Variants in NRP2 observed in about 807,000 individuals in gnomAD.
NRP2 encodes the protein neuropilin-2.
NRP2 carries 52 observed loss-of-function variants against 110.4 expected under a neutral mutation model. The ratio of observed to expected loss-of-function variants is 0.47; its 90% confidence interval spans 0.38 to 0.59. The LOEUF (loss-of-function observed/expected upper bound fraction) is 0.59, where lower values mean the gene tolerates loss of function less well. Among genes scored for constraint, NRP2 ranks in the 20% least tolerant of loss-of-function variants. The probability of loss-of-function intolerance (pLI) is 0.00; values close to 1 mark genes in which losing one functional copy is unlikely to be tolerated. For synonymous variants in NRP2, 508 were observed against 468.9 expected, an observed-to-expected ratio of 1.08 and a Z score of -1.08; for missense variants, 1,049 against 1,203.0, an observed-to-expected ratio of 0.87 and a Z score of 1.89.
chr2:205,692,189 G>T (rs2056328082), intron 1 of NRP2, among the ~76,000 whole-genome samples: 1 of 152,076 alleles, frequency 6.6e-6, no homozygotes, highest in Non-Finnish European at 1.5e-5. Flanking sequence ...ATTTCCATTT[G>T]CTGTGCCTTC....
intron 15 of NRP2, among the ~76,000 whole-genome samples, chr2:205,786,755 A>T (rs539212379): frequency 6.6e-6 from 1 of 152,242 alleles, no homozygotes; most frequent in African/African-American, 2.4e-5. Flanking sequence ...TTAAAACTAT[A>T]GGCACAATTT....
chr2:205,708,215 A>G (rs1275729702), intron 2 of NRP2, among the ~76,000 whole-genome samples: 2 of 152,250 alleles, frequency 1.3e-5, no homozygotes, highest in African/African-American at 2.4e-5. Flanking sequence ...GAAAGACCCA[A>G]CACTCATGCT....
At chr2:205,731,549 G>T (rs945658715) in intron 7 of NRP2, among the ~76,000 whole-genome samples, 1 of 152,190 alleles carries the variant, frequency 6.6e-6, no homozygotes, top group Admixed American at 6.5e-5. Context: ...GGACACGGGG[G>T]AGAGAGACTA....
At position 205,752,973 on chromosome 2, in the gene NRP2, C is replaced by T. The variant is rs763980274; in HGVS notation, c.2042C>T (p.Pro681Leu). ...SSSSPNDRTF[P>L]DDRNFLRLQS... is the part of the protein sequence containing the mutation. ...TCCAGCCCAAACGACCGGACGTTTC[C>T]AGGTAAGCCAGCTGTGAGTGAAGAT... is the stretch of plus-strand genomic sequence containing the variant. The change falls in exon 12 of 17, where the codon CCA becomes CTA. Residue 681 changes from proline to leucine, a missense_variant and splice_region_variant. Pro to Leu is a moderately conservative substitution (Grantham distance 98). Transcript: ENST00000357785. The T allele has an allele frequency of 6.2e-7, 1 of 1,613,226 alleles. No individual in the cohort carries two copies. Among genetic ancestry groups the T allele is most frequent in the Non-Finnish European group, 8.5e-7 (1 of 1,179,988 alleles).
At chr2:205,743,760 G>A (rs887291691) in intron 9 of NRP2, 25 of 1,161,944 alleles carry the variant, frequency 2.2e-5, no homozygotes, top group Non-Finnish European at 2.9e-5. Flanking sequence ...TTGTTTGTTT[G>A]TTTTTGAGAT....
intron 1 of NRP2, 115 bp downstream of exon 1, chr2:205,683,478 T>C (rs376735506): frequency 5.7e-5 from 44 of 765,834 alleles, no homozygotes; most frequent in Non-Finnish European, 9.4e-5. Context: ...CAGTACTCAA[T>C]AATTTAAAGA....
chr2:205,710,161 G>A (rs1309458350), intron 2 of NRP2, among the ~76,000 whole-genome samples: 1 of 152,200 alleles, frequency 6.6e-6, no homozygotes, highest in Non-Finnish European at 1.5e-5. Flanking sequence ...CCTGGTACCT[G>A]CTAATGCTAT....
intron 12 of NRP2, among the ~76,000 whole-genome samples, chr2:205,760,636 G>A (rs2057805557): frequency 6.6e-6 from 1 of 152,114 alleles, no homozygotes; most frequent in Admixed American, 6.6e-5. Context: ...GAGAGAAGAG[G>A]GGAAGGGGCT....
At chr2:205,696,128 T>A (rs536162751) in intron 1 of NRP2, among the ~76,000 whole-genome samples, 1 of 152,342 alleles carries the variant, frequency 6.6e-6, no homozygotes, top group South Asian at 2.1e-4. Flanking sequence ...AGGCTACTTG[T>A]GTGGATTTGT....
chr2:205,766,318 G>T (rs1464553752), intron 14 of NRP2, among the ~76,000 whole-genome samples: 1 of 152,144 alleles, frequency 6.6e-6, no homozygotes, highest in Non-Finnish European at 1.5e-5. Flanking sequence ...AAGGCATGAG[G>T]GTTGCTTTCA....
At position 205,743,557 on chromosome 2, in the gene NRP2, G is replaced by A; in HGVS notation, c.1641+5G>A. The A allele has an allele frequency of 6.2e-7, 1 of 1,614,040 alleles. No individual in the cohort carries two copies. The highest frequency in any genetic ancestry group is 1.1e-5 in the South Asian group (1 of 91,068). On this transcript the variant is annotated splice_donor_5th_base_variant and intron_variant, in intron 9 of 16. Coordinates refer to ENST00000357785, the MANE Select transcript of NRP2 (RefSeq NM_003872.3). ...CCCAGGACCCAGCAGCCAAAGGTAG[G>A]CTGTTCTTGGAGGCCTCTGTAACGT...
rs1381380959 is a variant in NRP2, at chr2:205,763,711, G to A, written c.2082G>A (p.Gln694=). Reference sequence around the variant, plus strand: ...TCTTGCGGCTGCAGAGTGACAGCCAGAGAGAGGGCCAGTATGCCCGGCTCA... The same window carrying A: ...TCTTGCGGCTGCAGAGTGACAGCCAAAGAGAGGGCCAGTATGCCCGGCTCA... ...RNFLRLQSDS[Q]REGQYARLIS... The change falls in exon 13 of 17, where the codon CAG becomes CAA. Residue 694 remains glutamine, a synonymous_variant. Coordinates refer to ENST00000357785, the MANE Select transcript of NRP2 (RefSeq NM_003872.3). The surrounding 1 kb of genome is among the most constrained non-coding windows in gnomAD (Gnocchi z 4.0). 1 of 1,614,092 alleles carries A rather than the reference G, an allele frequency of 6.2e-7. No individual in the cohort carries two copies. Among genetic ancestry groups the A allele is most frequent in the Admixed American group, 1.7e-5 (1 of 60,010 alleles).
At chr2:205,717,344 C>T (rs1419792437) in intron 3 of NRP2, among the ~76,000 whole-genome samples, 6 of 152,162 alleles carry the variant, frequency 3.9e-5, no homozygotes, top group Non-Finnish European at 8.8e-5. Flanking sequence ...GGGAGGTTGT[C>T]AGCCTTGTCA....
chr2:205,792,315 C>T (rs370766732), intron 16 of NRP2, 30 bp downstream of exon 16: 19 of 1,571,186 alleles, frequency 1.2e-5, no homozygotes, highest in South Asian at 5.6e-5. Context: ...AGCAGGTAAT[C>T]GTAAAATTCA....
intron 1 of NRP2, among the ~76,000 whole-genome samples, chr2:205,695,101 T>C (rs987470389): frequency 2.0e-5 from 3 of 152,232 alleles, no homozygotes; most frequent in African/African-American, 7.2e-5. Flanking sequence ...TTTATAAATT[T>C]GTAAGTATTG....
chr2:205,754,224 G>T (rs13432518), intron 12 of NRP2, among the ~76,000 whole-genome samples: 6,792 of 152,078 alleles, frequency 0.045, 426 homozygotes, highest in African/African-American at 0.15. Flanking sequence ...ATAGGAAAAG[G>T]CTAGAAAATA....
chr2:205,787,706 A>T lies in NRP2; in HGVS notation c.2426-4529A>T, dbSNP rs373208560. The stretch of plus-strand genomic sequence containing the variant: ...AGAAAATGAGGGAGAGAGGAAAGAT[A>T]AAAAAAAGTGTCTGTGTGTGTGTGT... On this transcript the variant is annotated intron_variant, in intron 15 of 16. Coordinates refer to ENST00000357785, the MANE Select transcript of NRP2 (RefSeq NM_003872.3). Among the ~76,000 whole-genome samples, 11 of 82,052 alleles carry T rather than the reference A, an allele frequency of 1.3e-4. 1 individual carries two copies. The highest frequency in any genetic ancestry group is 3.7e-4 in the African/African-American group (7 of 18,682). The allele number at this position is 82,052 out of a possible 152,430, so 53.8% of individuals were successfully genotyped here.
rs180712062 is a variant in NRP2 at position 205,740,281 on chromosome 2, T to C, written c.1147-238T>C. ...TGCTCTCAGCCTGGAGGCAAAATTT[T>C]CCTTCCCTCTAAAAGTTTCTGGGAA... On this transcript the variant is annotated intron_variant, in intron 7 of 16. Transcript: ENST00000357785. 1.1e-4 allele frequency among the ~76,000 whole-genome samples: 16 copies of C among 152,334 alleles called. No homozygotes were observed. The East Asian group carries it at 2.9e-3, about 28-fold the overall frequency.
chr2:205,749,892 G>A (rs765116973), intron 11 of NRP2, 51 bp downstream of exon 11: 1 of 1,418,744 alleles, frequency 7.0e-7, no homozygotes, highest in Non-Finnish European at 1.0e-6. Context: ...GTCAGAGTGG[G>A]AGCTGGCCTG....
Sources: gnomAD v4.1 joint callset for allele counts (sites outside exome capture counted in the v4.1 genomes callset) on GRCh38, gnomAD v4.1.1 for gene constraint, Gnocchi (gnomAD v3.1) non-coding constraint, MANE v1.5 for transcripts, NCBI Gene and HGNC (gene_info 2026-07-23, HGNC 2026-07-21) for gene names.